Variants in DEFB130B observed in about 807,000 individuals in gnomAD.
DEFB130B encodes defensin beta 130B, also known as beta-defensin 130B.
chr8:12,069,465 C>G lies in DEFB130B; in HGVS notation c.58+2225G>C. ...CCAAAATAATCCTAAGCAAAAAGAG[C>G]AACACTGGAGGCATCATCCTACTTG... On this transcript the variant is annotated intron_variant, in intron 1 of 1. Coordinates refer to ENST00000437818, the MANE Select transcript of DEFB130B (RefSeq NM_001195257.1). 1.5e-5 allele frequency among the ~76,000 whole-genome samples: 2 copies of G among 136,636 alleles called. 1 individual carries two copies. Among genetic ancestry groups the G allele is most frequent in the Non-Finnish European group, 3.4e-5 (2 of 59,054 alleles). 89.6% of individuals were successfully genotyped at this position (136,636 alleles called of 152,430 possible). A position where few individuals can be genotyped will look rare whatever the true frequency, so the allele number is the denominator to read the frequency against.
chr8:12,065,148 T>C (rs1171927980), intron 1 of DEFB130B, among the ~76,000 whole-genome samples: 1 of 93,354 alleles, frequency 1.1e-5, no homozygotes, highest in East Asian at 2.5e-4. Flanking sequence ...GCTCAATACC[T>C]CATAGATAGA....
chr8:12,065,192 A>T (rs1419581442), intron 1 of DEFB130B, among the ~76,000 whole-genome samples: 1 of 34,542 alleles, frequency 2.9e-5, no homozygotes, highest in African/African-American at 5.8e-5. Context: ...ATAGATAGAT[A>T]GATAGATAGA....
intron 1 of DEFB130B, among the ~76,000 whole-genome samples, chr8:12,067,167 C>T (rs1345335187): frequency 7.7e-5 from 1 of 12,918 alleles, no homozygotes; most frequent in African/African-American, 2.5e-4. Context: ...AAGATTTATG[C>T]CATTCTAACC....
At chr8:12,066,705 A>ACATT (rs1270100181) in intron 1 of DEFB130B, among the ~76,000 whole-genome samples, 1 of 91,220 alleles carries the variant, frequency 1.1e-5, no homozygotes, top group Non-Finnish European at 2.6e-5. Context: ...TAATGGTTAT[A>ACATT]TCACACGGCA....
At chr8:12,066,986 T>G (rs1426213954) in intron 1 of DEFB130B, among the ~76,000 whole-genome samples, 3 of 111,572 alleles carry the variant, frequency 2.7e-5, no homozygotes, top group African/African-American at 9.4e-5. Context: ...GCCTGGAACT[T>G]TATCAATCAA....
intron 1 of DEFB130B, among the ~76,000 whole-genome samples, chr8:12,065,203 C>T (rs181522316): frequency 0.05 from 1,468 of 29,494 alleles, 333 homozygotes; most frequent in African/African-American, 0.096. Flanking sequence ...GATAGATAGA[C>T]AGACAGACAC....
At chr8:12,067,042 G>C (rs1801785470) in intron 1 of DEFB130B, among the ~76,000 whole-genome samples, 1 of 37,422 alleles carries the variant, frequency 2.7e-5, no homozygotes, top group Non-Finnish European at 5.7e-5. Flanking sequence ...GTGAGTTCAG[G>C]CTGTCTTCTG....
intron 1 of DEFB130B, among the ~76,000 whole-genome samples, chr8:12,070,418 G>GC (rs960149452): frequency 0.039 from 60 of 1,558 alleles, 14 homozygotes; most frequent in East Asian, 0.17. Context: ...AAACATACCT[G>GC]CACTCCTATG....
At chr8:12,065,168 G>GGATA (rs1161076222) in intron 1 of DEFB130B, among the ~76,000 whole-genome samples, 2,630 of 29,458 alleles carry the variant, frequency 0.089, 736 homozygotes, top group African/African-American at 0.17. Context: ...ATGGAGGAAT[G>GGATA]GATAGATAGA....
chr8:12,069,451 C>A (rs1316506077), intron 1 of DEFB130B, among the ~76,000 whole-genome samples: 2 of 136,016 alleles, frequency 1.5e-5, no homozygotes, highest in Non-Finnish European at 3.4e-5. Context: ...CAAAATAATC[C>A]TAAGCAAAAA....
At chr8:12,069,529 G>T (rs1230137237) in intron 1 of DEFB130B, among the ~76,000 whole-genome samples, 1 of 137,212 alleles carries the variant, frequency 7.3e-6, no homozygotes, top group Non-Finnish European at 1.7e-5. Flanking sequence ...AACTAAAATG[G>T]CATGGGACTG....
At position 12,070,266 on chromosome 8, in the gene DEFB130B, G is replaced by C. The variant is rs1801824656; in HGVS notation, c.58+1424C>G. ...AAATAACAGAAACGCAGATGAGGCTGTGGAGAAAAGGAGTGCTTATACACT... is the reference window on the plus strand; with the variant it reads ...AAATAACAGAAACGCAGATGAGGCTCTGGAGAAAAGGAGTGCTTATACACT... On this transcript the variant is annotated intron_variant, in intron 1 of 1. Coordinates refer to ENST00000437818, the MANE Select transcript of DEFB130B (RefSeq NM_001195257.1). 7.1e-4 allele frequency among the ~76,000 whole-genome samples: 4 copies of C among 5,672 alleles called. 2 individuals are homozygous for C. The South Asian group carries it at 0.036, about 52-fold the overall frequency. The allele number at this position is 5,672 out of a possible 152,430, so 3.7% of individuals were successfully genotyped here.
rs1391138562 is a variant in DEFB130B at position 12,066,978 on chromosome 8, C to T, written c.59-2408G>A. Among the ~76,000 whole-genome samples the T allele has an allele frequency of 5.3e-5, 6 of 113,434 alleles. 1 individual carries two copies. Among genetic ancestry groups the T allele is most frequent in the African/African-American group, 1.9e-4 (6 of 32,384 alleles). 74.4% of individuals were successfully genotyped at this position (113,434 alleles called of 152,430 possible). A position where few individuals can be genotyped will look rare whatever the true frequency, so the allele number is the denominator to read the frequency against. On this transcript the variant is annotated intron_variant, in intron 1 of 1. Transcript: ENST00000437818. ...AGGATTTAAATGGAACAGGATCTGC[C>T]TGGAACTTTATCAATCAAAAAATAG... is the stretch of plus-strand genomic sequence containing the variant.
At chr8:12,065,115 G>A (rs1801750644) in intron 1 of DEFB130B, among the ~76,000 whole-genome samples, 1 of 119,266 alleles carries the variant, frequency 8.4e-6, no homozygotes, top group Admixed American at 8.5e-5. Flanking sequence ...TCAGAACTAT[G>A]TAAGAAATAC....
intron 1 of DEFB130B, among the ~76,000 whole-genome samples, chr8:12,066,988 A>C (rs959276652): frequency 1.9e-5 from 2 of 105,596 alleles, no homozygotes; most frequent in African/African-American, 6.6e-5. Flanking sequence ...CTGGAACTTT[A>C]TCAATCAAAA....
chr8:12,065,404 C>G (rs1487833889), intron 1 of DEFB130B, among the ~76,000 whole-genome samples: 1 of 21,448 alleles, frequency 4.7e-5, no homozygotes, highest in African/African-American at 1.0e-4. Flanking sequence ...CTGTATATCA[C>G]TGCAGATGTT....
At chr8:12,065,216 G>C (rs185563393) in intron 1 of DEFB130B, among the ~76,000 whole-genome samples, 1,758 of 31,638 alleles carry the variant, frequency 0.056, 551 homozygotes, top group African/African-American at 0.1. Context: ...ACAGACACCT[G>C]CAGAGAATTA....
intron 1 of DEFB130B, among the ~76,000 whole-genome samples, chr8:12,069,621 T>C (rs1801816185): frequency 8.0e-6 from 1 of 124,822 alleles, no homozygotes; most frequent in Non-Finnish European, 1.9e-5. Context: ...ATCTGCTCTT[T>C]GACACAGTTG....
chr8:12,065,295 G>A lies in DEFB130B; in HGVS notation c.59-725C>T, dbSNP rs1185742829. Among the ~76,000 whole-genome samples, 4 of 31,220 alleles carry A rather than the reference G, an allele frequency of 1.3e-4. 2 individuals carry two copies. The highest frequency in any genetic ancestry group is 3.6e-4 in the Non-Finnish European group (4 of 11,004). The allele number at this position is 31,220 out of a possible 152,430, so 20.5% of individuals were successfully genotyped here. ...TTCTCTTAATTCATCTGGTTGTGGA[G>A]AAGCATATGGCTAAGGGTGTGCTCT... On this transcript the variant is annotated intron_variant, in intron 1 of 1. Coordinates refer to ENST00000437818, the MANE Select transcript of DEFB130B (RefSeq NM_001195257.1).
Sources: allele counts gnomAD v4.1 joint callset (sites outside exome capture counted in the v4.1 genomes callset), GRCh38; gene constraint gnomAD v4.1.1; transcripts MANE v1.5; gene names NCBI Gene and HGNC (gene_info 2026-07-23, HGNC 2026-07-21).